CCDC102B: variants seen among roughly 807,000 people sequenced by gnomAD.
CCDC102B encodes the protein coiled-coil domain containing 102B, also known as coiled-coil domain-containing protein 102B.
In CCDC102B, 75 loss-of-function variants were observed where a neutral mutation model predicts 57.4. The observed-to-expected ratio is 1.31, with a 90% CI of 1.08 to 1.58. The LOEUF (loss-of-function observed/expected upper bound fraction) is 1.58, where lower values mean the gene tolerates loss of function less well. Ranked by LOEUF, CCDC102B falls within the 40% of genes most tolerant of loss-of-function variation. CCDC102B has a pLI of 0.00. For synonymous variants in CCDC102B, 206 were observed against 201.9 expected, an observed-to-expected ratio of 1.02 and a Z score of -0.17; for missense variants, 636 against 582.6, an observed-to-expected ratio of 1.09 and a Z score of -0.94.
intron 7 of CCDC102B, among the ~76,000 whole-genome samples, chr18:69,034,112 T>C (rs1045137057): frequency 1.3e-5 from 2 of 152,050 alleles, no homozygotes; most frequent in African/African-American, 2.4e-5. Context: ...TTCTCAGATA[T>C]ACAATTTGGA....
At chr18:69,032,586 TAGAA>T (rs2052177853) in intron 7 of CCDC102B, among the ~76,000 whole-genome samples, 2 of 152,170 alleles carry the variant, frequency 1.3e-5, no homozygotes. Context: ...TTCTACAATT[TAGAA>T]AGAGATTCCC....
In CCDC102B at chr18:68,765,367, AAG is replaced by A. The variant is rs1354403613; in HGVS notation, c.-67+48775_-67+48776del. ...AAAGAAAGAAAGAAAGAAAGAAAGAAAGAAAGAAAGAAAAGAAAGAAAGAAAA... is the reference window on the plus strand; with the variant it reads ...AAAGAAAGAAAGAAAGAAAGAAAGAAAAAGAAAGAAAAGAAAGAAAGAAAA... On this transcript the variant is annotated intron_variant, in intron 2 of 3. Transcript: ENST00000578970. Among the ~76,000 whole-genome samples the A allele has an allele frequency of 4.7e-5, 7 of 147,742 alleles. No homozygotes were observed. The East Asian group carries it at 7.9e-4, about 17-fold the overall frequency.
Position 68,874,659 on chromosome 18 carries a change from T to G in CCDC102B, c.937-10T>G. 1 of 1,557,652 alleles carries G rather than the reference T, an allele frequency of 6.4e-7. No homozygotes were observed. The highest frequency in any genetic ancestry group is 1.1e-5 in the South Asian group (1 of 89,830). On this transcript the variant is annotated splice_polypyrimidine_tract_variant and intron_variant, in intron 4 of 7. Coordinates refer to ENST00000360242, the MANE Select transcript of CCDC102B (RefSeq NM_024781.3). ...CATCCTGTGATTGTAATTTCAACTT[T>G]CTTTTTCAGTTTGACATTCTTCTTG...
intron 6 of CCDC102B, among the ~76,000 whole-genome samples, chr18:68,937,260 A>G (rs1261371373): frequency 6.6e-6 from 1 of 152,046 alleles, no homozygotes; most frequent in African/African-American, 2.4e-5. Flanking sequence ...CATTTTAAAC[A>G]GATAAATTAC....
intron 6 of CCDC102B, among the ~76,000 whole-genome samples, chr18:68,937,835 C>T (rs755888313): frequency 3.3e-5 from 5 of 151,918 alleles, no homozygotes; most frequent in Non-Finnish European, 7.4e-5. Flanking sequence ...TCAACTCCCA[C>T]TTACGAGTGA....
intron 7 of CCDC102B, among the ~76,000 whole-genome samples, chr18:69,018,015 G>A (rs917213104): frequency 2.6e-5 from 4 of 151,276 alleles, no homozygotes; most frequent in African/African-American, 9.8e-5. Context: ...GTGTGTGTGT[G>A]TATCTCATAA....
At chr18:68,796,330 T>C (rs2035627310), upstream of CCDC102B, among the ~76,000 whole-genome samples, 1 of 152,096 alleles carries the variant, frequency 6.6e-6, no homozygotes, top group African/African-American at 2.4e-5. Context: ...GAATTTTTCT[T>C]TGGGAAACTG....
At chr18:68,845,338 A>G (rs1568283881) in intron 3 of CCDC102B, among the ~76,000 whole-genome samples, 2 of 151,872 alleles carry the variant, frequency 1.3e-5, no homozygotes, top group Middle Eastern at 3.2e-3. Context: ...AGATCCGTAT[A>G]TTAGTTAATT....
At chr18:68,765,392 AAAG>A (rs989844949) in intron 2 of CCDC102B, among the ~76,000 whole-genome samples, 9 of 150,134 alleles carry the variant, frequency 6.0e-5, no homozygotes, top group South Asian at 2.1e-4. Context: ...GAAAGAAAGA[AAAG>A]AAAGGAAGGA....
rs138333490 is a variant in CCDC102B, at chr18:68,874,043, C to A, written c.937-626C>A. Among the ~76,000 whole-genome samples, 417 of 151,828 alleles carry A rather than the reference C, an allele frequency of 2.7e-3. 1 individual carries two copies. The highest frequency in any genetic ancestry group is 9.5e-3 in the African/African-American group (395 of 41,476). ...TCAAGAACAGCTGTGGGAAAATAATCATTATTTGCATTTGTAGGACTTTTC... is the reference window on the plus strand; with the variant it reads ...TCAAGAACAGCTGTGGGAAAATAATAATTATTTGCATTTGTAGGACTTTTC... On this transcript the variant is annotated intron_variant, in intron 4 of 7. Coordinates refer to ENST00000360242, the MANE Select transcript of CCDC102B (RefSeq NM_024781.3).
At chr18:68,999,296 CT>C (rs967561345) in intron 6 of CCDC102B, among the ~76,000 whole-genome samples, 2 of 151,940 alleles carry the variant, frequency 1.3e-5, no homozygotes, top group Non-Finnish European at 2.9e-5. Flanking sequence ...ATAAGTTTCT[CT>C]TTTTGTTTTA....
intron 6 of CCDC102B, among the ~76,000 whole-genome samples, chr18:68,964,684 CCTTT>C (rs2145239527): frequency 6.6e-6 from 1 of 151,332 alleles, no homozygotes; most frequent in East Asian, 1.9e-4. Flanking sequence ...CATATTTTAC[CCTTT>C]CTTTCTTTTC....
intron 7 of CCDC102B, among the ~76,000 whole-genome samples, chr18:69,019,675 A>G (rs1173554678): frequency 6.6e-6 from 1 of 152,038 alleles, no homozygotes; most frequent in Non-Finnish European, 1.5e-5. Flanking sequence ...CTAAAAACAG[A>G]GATACACTTA....
intron 5 of CCDC102B, among the ~76,000 whole-genome samples, chr18:68,882,048 G>A (rs2039711020): frequency 6.6e-6 from 1 of 151,964 alleles, no homozygotes; most frequent in Admixed American, 6.6e-5. Context: ...TTAAAAATAT[G>A]TTAAAAATAT....
chr18:69,045,881 G>A (rs949739468), intron 7 of CCDC102B, among the ~76,000 whole-genome samples: 3 of 152,000 alleles, frequency 2.0e-5, no homozygotes, highest in Non-Finnish European at 2.9e-5. Context: ...TTCTGTGTTC[G>A]TTTGCTTAGA....
intron 6 of CCDC102B, among the ~76,000 whole-genome samples, chr18:68,970,630 T>TTA (rs1215497234): frequency 6.6e-6 from 1 of 151,992 alleles, no homozygotes; most frequent in Non-Finnish European, 1.5e-5. Flanking sequence ...TCAGGATTGT[T>TTA]TAGAGAATTG....
chr18:69,008,279 C>T (rs1271868478), intron 6 of CCDC102B, among the ~76,000 whole-genome samples: 9 of 152,166 alleles, frequency 5.9e-5, no homozygotes, highest in Admixed American at 5.9e-4. Flanking sequence ...AATGAGAAAT[C>T]TGTTTGCATT....
intron 1 of CCDC102B, among the ~76,000 whole-genome samples, chr18:68,803,041 C>A (rs1270867494): frequency 6.6e-6 from 1 of 152,160 alleles, no homozygotes; most frequent in Non-Finnish European, 1.5e-5. Context: ...TTGCTGATAG[C>A]AATTAAAGTG....
At chr18:68,964,854 T>A (rs1322535248) in intron 6 of CCDC102B, among the ~76,000 whole-genome samples, 2 of 151,966 alleles carry the variant, frequency 1.3e-5, no homozygotes, top group Non-Finnish European at 2.9e-5. Flanking sequence ...TACTTGATAT[T>A]GAATTCTGAA....
Sources: gnomAD v4.1 joint callset for allele counts (sites outside exome capture counted in the v4.1 genomes callset) on GRCh38, gnomAD v4.1.1 for gene constraint, MANE v1.5 for transcripts, NCBI Gene and HGNC (gene_info 2026-07-23, HGNC 2026-07-21) for gene names.